The following TDRD3 variants were observed in gnomAD, a reference collection of about 807,000 sequenced individuals.
The protein encoded by TDRD3 is tudor domain containing 3.
In TDRD3, 45 loss-of-function variants were observed where a neutral mutation model predicts 86.7. The observed-to-expected ratio is 0.52, with a 90% confidence interval of 0.41 to 0.67. The LOEUF (loss-of-function observed/expected upper bound fraction) is 0.67, where lower values mean the gene tolerates loss of function less well. Ranked by LOEUF, TDRD3 falls within the 30% of genes least tolerant of loss-of-function variation. The pLI is 0.00. For missense variants in TDRD3, 814 were observed against 889.0 expected, an observed-to-expected ratio of 0.92 and a Z score of 1.07; for synonymous variants, 298 against 301.7, an observed-to-expected ratio of 0.99 and a Z score of 0.13.
At chr13:60,556,975 C>T (rs1045507438) in intron 12 of TDRD3, among the ~76,000 whole-genome samples, 2 of 152,038 alleles carry the variant, frequency 1.3e-5, no homozygotes, top group African/African-American at 4.8e-5. Flanking sequence ...GAGGCTGAGG[C>T]GGGCAGATCA....
chr13:60,512,206 G>A (rs1472406735), intron 10 of TDRD3, among the ~76,000 whole-genome samples: 1 of 152,062 alleles, frequency 6.6e-6, no homozygotes, highest in Non-Finnish European at 1.5e-5. Context: ...AGCTTGTGGA[G>A]AGAAACCCTT....
chr13:60,552,653 G>T (rs1162677346), intron 12 of TDRD3, among the ~76,000 whole-genome samples: 1 of 152,230 alleles, frequency 6.6e-6, no homozygotes, highest in East Asian at 1.9e-4. Context: ...AATTGCCCTA[G>T]TAGAGGTTCT....
intron 1 of TDRD3, among the ~76,000 whole-genome samples, chr13:60,407,099 T>G (rs1336864287): frequency 6.6e-6 from 1 of 152,212 alleles, no homozygotes; most frequent in East Asian, 1.9e-4. Flanking sequence ...AATTTGGAAT[T>G]GACTCAGTTC....
intron 1 of TDRD3, among the ~76,000 whole-genome samples, chr13:60,415,605 A>G (rs1954486524): frequency 6.6e-6 from 1 of 152,184 alleles, no homozygotes; most frequent in Non-Finnish European, 1.5e-5. Context: ...GAATATGAGA[A>G]TTTTGAAGAG....
At chr13:60,568,507 A>C (rs1466810336) in intron 13 of TDRD3, among the ~76,000 whole-genome samples, 1 of 152,238 alleles carries the variant, frequency 6.6e-6, no homozygotes, top group Non-Finnish European at 1.5e-5. Context: ...GTGTTGTATA[A>C]GACAGAACTT....
Position 60,486,479 on chromosome 13 carries a change from T to C in TDRD3, c.717+531T>C, listed in dbSNP as rs1333784741. On this transcript the variant is annotated intron_variant, in intron 7 of 13. Transcript: ENST00000377881. ...ATATGTCTATTTACACACACACAAA[T>C]CCTCCTTTTTAACTGACAAATAATT... 2.6e-5 allele frequency among the ~76,000 whole-genome samples: 4 copies of C among 152,024 alleles called. No individual in the cohort carries two copies. In the South Asian group the frequency reaches 8.3e-4, roughly 32 times the overall value.
At chr13:60,561,285 A>C (rs1042275876) in intron 12 of TDRD3, among the ~76,000 whole-genome samples, 5 of 152,146 alleles carry the variant, frequency 3.3e-5, no homozygotes, top group African/African-American at 1.2e-4. Flanking sequence ...ATAGAAGGCA[A>C]AGGGAGAAAG....
chr13:60,442,989 A>G (rs1338016571), intron 2 of TDRD3, among the ~76,000 whole-genome samples: 2 of 152,060 alleles, frequency 1.3e-5, no homozygotes, highest in East Asian at 1.9e-4. Flanking sequence ...TAAAATTTGT[A>G]TGTATTCTGT....
At chr13:60,551,254 GT>G (rs753001436) in intron 12 of TDRD3, among the ~76,000 whole-genome samples, 32 of 152,216 alleles carry the variant, frequency 2.1e-4, no homozygotes, top group South Asian at 6.2e-4. Flanking sequence ...TTTAACTTTA[GT>G]TTTGTTTTCT....
At chr13:60,401,889 AG>A (rs1224772466) in intron 1 of TDRD3, among the ~76,000 whole-genome samples, 1 of 152,234 alleles carries the variant, frequency 6.6e-6, no homozygotes, top group East Asian at 1.9e-4. Flanking sequence ...CAGCTTATTA[AG>A]GTCTTTGTCA....
intron 12 of TDRD3, among the ~76,000 whole-genome samples, chr13:60,551,963 C>T (rs1231368454): frequency 6.6e-6 from 1 of 152,128 alleles, no homozygotes; most frequent in Non-Finnish European, 1.5e-5. Flanking sequence ...AGGTCTCTCC[C>T]TCGACATGTG....
chr13:60,460,920 T>G (rs1378438077), intron 4 of TDRD3: 1 of 154,134 alleles, frequency 6.5e-6, no homozygotes, highest in Non-Finnish European at 1.4e-5. Flanking sequence ...GGAGAATAGC[T>G]TGAACCTGGT....
At chr13:60,495,176 A>G (rs1054590798) in intron 8 of TDRD3, among the ~76,000 whole-genome samples, 1 of 152,210 alleles carries the variant, frequency 6.6e-6, no homozygotes, top group African/African-American at 2.4e-5. Flanking sequence ...ATGGAGGTTT[A>G]TTATTTCATA....
chr13:60,561,425 T>C (rs992428243), intron 12 of TDRD3, among the ~76,000 whole-genome samples: 5 of 152,140 alleles, frequency 3.3e-5, no homozygotes, highest in African/African-American at 1.2e-4. Context: ...GGGTTTTTAA[T>C]TTCTGTGGCT....
At chr13:60,519,950 G>C (rs1415271964) in intron 10 of TDRD3, among the ~76,000 whole-genome samples, 6 of 152,024 alleles carry the variant, frequency 3.9e-5, no homozygotes, top group Non-Finnish European at 8.8e-5. Context: ...TTGTATTGTT[G>C]GTGTGTGTGG....
At chr13:60,410,011 A>G (rs1456170743) in intron 1 of TDRD3, among the ~76,000 whole-genome samples, 1 of 152,112 alleles carries the variant, frequency 6.6e-6, no homozygotes, top group East Asian at 1.9e-4. Context: ...TTCCTGTGCT[A>G]GTCTCATGAT....
rs569799524 is a variant in TDRD3, at chr13:60,541,425, C to T, written c.2118+6192C>T. ...CAGGTGATCCGCCTGCTTTGGCCTCCGAAAGTGCTGGGATTATGGGTGTGA... is the reference window on the plus strand; with the variant it reads ...CAGGTGATCCGCCTGCTTTGGCCTCTGAAAGTGCTGGGATTATGGGTGTGA... On this transcript the variant is annotated intron_variant, in intron 12 of 13. Transcript: ENST00000377881. Among the ~76,000 whole-genome samples the T allele has an allele frequency of 1.5e-4, 23 of 152,118 alleles. No homozygotes were observed. In the East Asian group the frequency reaches 1.9e-3, roughly 13 times the overall value.
chr13:60,448,017 T>A (rs1045885973), intron 3 of TDRD3, among the ~76,000 whole-genome samples: 10 of 152,170 alleles, frequency 6.6e-5, no homozygotes, highest in African/African-American at 2.4e-4. Context: ...ATCAGTAATC[T>A]TTTTTGGAAG....
At chr13:60,552,781 A>G (rs1434997847) in intron 12 of TDRD3, among the ~76,000 whole-genome samples, 2 of 152,220 alleles carry the variant, frequency 1.3e-5, no homozygotes, top group African/African-American at 4.8e-5. Flanking sequence ...GTGCACTTGT[A>G]GGGCCAACAC....
Sources: allele counts gnomAD v4.1 joint callset (sites outside exome capture counted in the v4.1 genomes callset), GRCh38; gene constraint gnomAD v4.1.1; transcripts MANE v1.5; gene names NCBI Gene and HGNC (gene_info 2026-07-23, HGNC 2026-07-21).